The following ATP8A1 variants were observed in gnomAD, a reference collection of about 807,000 sequenced individuals.
ATP8A1 encodes the protein phospholipid-transporting ATPase IA.
In ATP8A1, 90 loss-of-function variants were observed where a neutral mutation model predicts 177.7. The observed-to-expected ratio is 0.51, with a 90% CI of 0.43 to 0.60. The LOEUF is 0.60. Ranked by LOEUF, ATP8A1 falls within the 20% of genes least tolerant of loss-of-function variation. ATP8A1 has a pLI of 0.00. For synonymous variants in ATP8A1, 493 were observed against 485.9 expected (o/e 1.01, Z -0.19); for missense variants, 1,072 against 1,392.8 (o/e 0.77, Z 3.67).
chr4:42,445,934 G>T (rs1717166658), intron 31 of ATP8A1, among the ~76,000 whole-genome samples: 1 of 151,838 alleles, frequency 6.6e-6, no homozygotes, highest in Non-Finnish European at 1.5e-5. Flanking sequence ...ACAAAAATTA[G>T]CTGGGCGTGA....
intron 2 of ATP8A1, 180 bp downstream of exon 2, chr4:42,626,815 A>C (rs1738151233): frequency 3.2e-6 from 2 of 617,366 alleles, no homozygotes; most frequent in Non-Finnish European, 5.8e-6. Context: ...CGCTATTTCC[A>C]GATTCTTATG....
intron 20 of ATP8A1, among the ~76,000 whole-genome samples, chr4:42,528,062 T>C (rs1018892525): frequency 2.0e-5 from 3 of 152,248 alleles, no homozygotes; most frequent in South Asian, 2.1e-4. Flanking sequence ...CAAAATGTCA[T>C]TGTGGTCCTC....
At chr4:42,432,284 TA>T (rs1256317869) in intron 33 of ATP8A1, among the ~76,000 whole-genome samples, 2 of 152,166 alleles carry the variant, frequency 1.3e-5, no homozygotes, top group African/African-American at 4.8e-5. Context: ...TAGAGTATCT[TA>T]AAAGCTAAAA....
intron 22 of ATP8A1, among the ~76,000 whole-genome samples, chr4:42,513,739 A>G (rs1349487875): frequency 6.6e-6 from 1 of 152,228 alleles, no homozygotes; most frequent in Non-Finnish European, 1.5e-5. Context: ...CCCAAAGGCA[A>G]GGGACACCTG....
intron 30 of ATP8A1, among the ~76,000 whole-genome samples, chr4:42,450,724 T>C (rs780931605): frequency 2.0e-5 from 3 of 152,376 alleles, no homozygotes; most frequent in Admixed American, 1.3e-4. Context: ...CACAAGCTCT[T>C]GGTAATTCAT....
intron 22 of ATP8A1, 143 bp from the exon 23 acceptor site, chr4:42,507,297 G>A: frequency 3.4e-6 from 3 of 877,678 alleles, no homozygotes; most frequent in Non-Finnish European, 5.1e-6. Context: ...ATCCCATTGA[G>A]TTTTCTGAAA....
At chr4:42,506,811 C>A (rs1264763373) in intron 23 of ATP8A1, among the ~76,000 whole-genome samples, 1 of 152,158 alleles carries the variant, frequency 6.6e-6, no homozygotes, top group South Asian at 2.1e-4. Flanking sequence ...CTTCCATAAG[C>A]CCAATCTCCA....
At chr4:42,548,536 C>T (rs1343783368) in intron 19 of ATP8A1, among the ~76,000 whole-genome samples, 2 of 152,128 alleles carry the variant, frequency 1.3e-5, no homozygotes, top group Admixed American at 1.3e-4. Flanking sequence ...TTATTTAATA[C>T]TTGTATGTCT....
At chr4:42,608,562 G>A (rs1214601368) in intron 5 of ATP8A1, among the ~76,000 whole-genome samples, 1 of 152,128 alleles carries the variant, frequency 6.6e-6, no homozygotes, top group Non-Finnish European at 1.5e-5. Context: ...GTTTCGCCAT[G>A]TTGGTCAGGC....
At position 42,411,422 on chromosome 4, in the gene ATP8A1, TC is replaced by T. The variant is rs1712590964; in HGVS notation, c.*1493del. The T allele has an allele frequency of 6.6e-6, 1 of 152,206 alleles. No individual in the cohort carries two copies. The highest frequency in any genetic ancestry group is 2.1e-4 in the South Asian group (1 of 4,828). The allele number at this position is 152,206 out of a possible 1,614,324, so 9.4% of individuals were successfully genotyped here. On this transcript the variant is annotated 3_prime_UTR_variant, in exon 37 of 37. Coordinates refer to ENST00000381668, the MANE Select transcript of ATP8A1 (RefSeq NM_006095.2). Reference sequence around the variant, plus strand: ...AAGTTCTACCTATTTTGCTGGTAAGTCCATGTAAAGGCAAGCAGGCTTTTGA... The same window carrying T: ...AAGTTCTACCTATTTTGCTGGTAAGTCATGTAAAGGCAAGCAGGCTTTTGA...
At chr4:42,557,715 T>C (rs986272300) in intron 15 of ATP8A1, among the ~76,000 whole-genome samples, 2 of 152,164 alleles carry the variant, frequency 1.3e-5, no homozygotes, top group African/African-American at 4.8e-5. Context: ...ACTCTTCTTC[T>C]AGAAAGTGAC....
At chr4:42,482,635 A>C (rs1721807453) in intron 25 of ATP8A1, among the ~76,000 whole-genome samples, 1 of 152,212 alleles carries the variant, frequency 6.6e-6, no homozygotes, top group South Asian at 2.1e-4. Flanking sequence ...TCATCTTTAT[A>C]ACTGTGTCAA....
chr4:42,469,479 T>C (rs943923156), intron 25 of ATP8A1, among the ~76,000 whole-genome samples: 4 of 152,150 alleles, frequency 2.6e-5, no homozygotes, highest in Admixed American at 6.5e-5. Context: ...ACTATTTTTA[T>C]AGCATCCATT....
intron 24 of ATP8A1, among the ~76,000 whole-genome samples, chr4:42,502,558 G>A (rs1467779467): frequency 6.6e-6 from 1 of 152,144 alleles, no homozygotes; most frequent in Non-Finnish European, 1.5e-5. Context: ...CAAATGACGC[G>A]TGGCTTGCCC....
At chr4:42,432,681 C>T (rs1234797932) in intron 33 of ATP8A1, among the ~76,000 whole-genome samples, 2 of 152,130 alleles carry the variant, frequency 1.3e-5, no homozygotes, top group African/African-American at 4.8e-5. Context: ...TAACCAGAGA[C>T]AAATTCTAAG....
At chr4:42,615,000 A>G (rs909946864) in intron 5 of ATP8A1, among the ~76,000 whole-genome samples, 3 of 152,218 alleles carry the variant, frequency 2.0e-5, no homozygotes, top group African/African-American at 7.2e-5. Flanking sequence ...GATAATTGAG[A>G]TCATGTAGTC....
chr4:42,610,591 A>C (rs2109431812), intron 5 of ATP8A1, among the ~76,000 whole-genome samples: 1 of 152,146 alleles, frequency 6.6e-6, no homozygotes, highest in Non-Finnish European at 1.5e-5. Context: ...GCAAAAAAAA[A>C]AAAAAAAGTG....
chr4:42,566,879 T>A (rs1322743689), intron 15 of ATP8A1, among the ~76,000 whole-genome samples: 1 of 152,212 alleles, frequency 6.6e-6, no homozygotes, highest in East Asian at 1.9e-4. Flanking sequence ...ATGTCAAATA[T>A]GTCATGAGGA....
rs779089543 is a variant in ATP8A1 at position 42,444,659 on chromosome 4, T to C, written c.2959-25A>G. ...ACTAAAACAGAAGGGGAAAATGTTA[T>C]TTTACCTCATAAACATGAAAGTTCA... On this transcript the variant is annotated intron_variant, in intron 31 of 36. Coordinates refer to ENST00000381668, the MANE Select transcript of ATP8A1 (RefSeq NM_006095.2). 2.5e-6 allele frequency: 4 copies of C among 1,606,420 alleles called. No individual in the cohort carries two copies. In the South Asian group the frequency reaches 3.3e-5, roughly 13 times the overall value.
Sources: gnomAD v4.1 joint callset for allele counts (sites outside exome capture counted in the v4.1 genomes callset) on GRCh38, gnomAD v4.1.1 for gene constraint, MANE v1.5 for transcripts, NCBI Gene and HGNC (gene_info 2026-07-23, HGNC 2026-07-21) for gene names.